The following FGF10 variants were observed in gnomAD, a reference collection of about 807,000 sequenced individuals.
FGF10 encodes the protein FGF-10.
Under a neutral mutation model 19.8 loss-of-function variants are expected in FGF10, and 2 were observed. That is an observed-to-expected ratio of 0.10 (90% confidence interval 0.04 to 0.32). The LOEUF (loss-of-function observed/expected upper bound fraction) is 0.32, where lower values mean the gene tolerates loss of function less well. Among genes scored for constraint, FGF10 ranks in the 10% least tolerant of loss-of-function variants. FGF10 has a pLI of 1.00. For synonymous variants in FGF10, 112 were observed against 94.0 expected, an observed-to-expected ratio of 1.19 and a Z score of -1.10; for missense variants, 191 against 246.3, an observed-to-expected ratio of 0.78 and a Z score of 1.50.
At chr5:44,308,973 G>A (rs573382947) in intron 2 of FGF10, among the ~76,000 whole-genome samples, 17 of 152,220 alleles carry the variant, frequency 1.1e-4, no homozygotes, top group Non-Finnish European at 2.4e-4. Flanking sequence ...GCATACTCAA[G>A]TTTAAGAGCT....
In FGF10 at chr5:44,343,154, A is replaced by T. The variant is rs184275281; in HGVS notation, c.326-32624T>A. Among the ~76,000 whole-genome samples, 633 of 152,130 alleles carry T rather than the reference A, an allele frequency of 4.2e-3. 4 individuals carry two copies. Among genetic ancestry groups the T allele is most frequent in the African/African-American group, 0.014 (602 of 41,524 alleles). The stretch of plus-strand genomic sequence containing the variant: ...TTCATTTAAAAGCTCTACTTAAAAA[A>T]TTTTTTTGAATTTAAATTTCCACTT... On this transcript the variant is annotated intron_variant, in intron 1 of 2. Coordinates refer to ENST00000264664, the MANE Select transcript of FGF10 (RefSeq NM_004465.2).
rs56194673 is a variant in FGF10, at chr5:44,302,282, GCTTCCTTCCTTC to G, written c.*2701_*2712del. 0.18 allele frequency among the ~76,000 whole-genome samples: 21,565 copies of G among 122,106 alleles called. 1,976 individuals carry two copies. Among genetic ancestry groups the G allele is most frequent in the Admixed American group, 0.3 (3,381 of 11,438 alleles). The allele number at this position is 122,106 out of a possible 152,430, so 80.1% of individuals were successfully genotyped here. On this transcript the variant is annotated 3_prime_UTR_variant, in exon 3 of 3. Transcript: ENST00000264664. The stretch of plus-strand genomic sequence containing the variant: ...TCTTTCCTTCCTTCCTTCTTTCCTT[GCTTCCTTCCTTC>G]CTTCCTTCCTTCCTTCCTTCCTTCC...
intron 1 of FGF10, 62 bp downstream of exon 1, chr5:44,388,296 T>TC (rs1174569413): frequency 4.3e-5 from 63 of 1,477,244 alleles, no homozygotes; most frequent in Admixed American, 3.2e-4. Context: ...AACAGATTTT[T>TC]CCCCCCCGTG....
intron 1 of FGF10, among the ~76,000 whole-genome samples, chr5:44,313,458 G>C (rs1324868779): frequency 6.6e-6 from 1 of 151,834 alleles, no homozygotes; most frequent in Non-Finnish European, 1.5e-5. Context: ...TGTATATTTT[G>C]AATCAAAACT....
chr5:44,371,250 T>C (rs1371719641), intron 1 of FGF10, among the ~76,000 whole-genome samples: 1 of 152,086 alleles, frequency 6.6e-6, no homozygotes, highest in Non-Finnish European at 1.5e-5. Context: ...GCCCCTTTGA[T>C]GTGTGATGTT....
chr5:44,349,461 T>TCAGA (rs1741182894), intron 1 of FGF10, among the ~76,000 whole-genome samples: 1 of 31,584 alleles, frequency 3.2e-5, no homozygotes, highest in African/African-American at 1.1e-4. Context: ...TATATATATA[T>TCAGA]ATATATATCA....
Position 44,375,468 on chromosome 5 carries a change from G to A in FGF10, c.325+12890C>T, listed in dbSNP as rs556526665. On this transcript the variant is annotated intron_variant, in intron 1 of 2. Transcript: ENST00000264664. ...GCAAGGCTGAACAGGAAGGGACAAG[G>A]CAGGTTCTAGAACTGAAATCAACAT... 3.3e-5 allele frequency among the ~76,000 whole-genome samples: 5 copies of A among 152,268 alleles called. No homozygotes were observed. In the South Asian group the frequency reaches 8.3e-4, roughly 25 times the overall value.
At chr5:44,334,566 T>C (rs1295942585) in intron 1 of FGF10, among the ~76,000 whole-genome samples, 1 of 152,132 alleles carries the variant, frequency 6.6e-6, no homozygotes, top group Non-Finnish European at 1.5e-5. Flanking sequence ...GAAATGTCTT[T>C]AGAGGTCATA....
intron 1 of FGF10, among the ~76,000 whole-genome samples, chr5:44,316,869 T>C (rs961733401): frequency 5.3e-5 from 8 of 152,180 alleles, no homozygotes; most frequent in Admixed American, 3.9e-4. Context: ...TGTGGAAATG[T>C]TGGTGGAAAC....
chr5:44,311,436 G>T (rs1014095035), intron 1 of FGF10, among the ~76,000 whole-genome samples: 1 of 152,044 alleles, frequency 6.6e-6, no homozygotes, highest in African/African-American at 2.4e-5. Flanking sequence ...GTAGCATCGT[G>T]ATTAGCATGT....
chr5:44,352,681 G>T (rs1741261185), intron 1 of FGF10, among the ~76,000 whole-genome samples: 1 of 151,480 alleles, frequency 6.6e-6, no homozygotes, highest in South Asian at 2.1e-4. Flanking sequence ...CATTTTCCAG[G>T]TACATTTGAT....
Position 44,318,245 on chromosome 5 carries a change from T to C in FGF10, c.326-7715A>G, listed in dbSNP as rs922792291. Among the ~76,000 whole-genome samples, 13 of 152,196 alleles carry C rather than the reference T, an allele frequency of 8.5e-5. 1 individual carries two copies. The highest frequency in any genetic ancestry group is 1.9e-4 in the Non-Finnish European group (13 of 68,028). On this transcript the variant is annotated intron_variant, in intron 1 of 2. Coordinates refer to ENST00000264664, the MANE Select transcript of FGF10 (RefSeq NM_004465.2). ...CTGAACGATTACGTTAGAAAAGTCC[T>C]GCACAATTCATTTGAATGGTAACAA...
At chr5:44,375,919 G>A (rs1429076291) in intron 1 of FGF10, among the ~76,000 whole-genome samples, 1 of 151,840 alleles carries the variant, frequency 6.6e-6, no homozygotes, top group Non-Finnish European at 1.5e-5. Flanking sequence ...ACATAGTATG[G>A]GTATAACAAC....
At chr5:44,353,344 T>C (rs1223886712) in intron 1 of FGF10, among the ~76,000 whole-genome samples, 1 of 151,620 alleles carries the variant, frequency 6.6e-6, no homozygotes, top group Admixed American at 6.6e-5. Context: ...ATATGGTTTG[T>C]TCTGCGTTTT....
chr5:44,344,252 C>A (rs1259093049), intron 1 of FGF10, among the ~76,000 whole-genome samples: 1 of 151,986 alleles, frequency 6.6e-6, no homozygotes, highest in African/African-American at 2.4e-5. Context: ...TACTTTAATG[C>A]ATCCCATTGC....
chr5:44,310,350 G>T lies in FGF10; in HGVS notation c.429+77C>A, dbSNP rs372498674. ...CAATAGAAGGATAACAAAGCTATTC[G>T]GTGTCTGGAGGAAACTTTCCAAAAC... On this transcript the variant is annotated intron_variant, in intron 2 of 2. Transcript: ENST00000264664. The T allele has an allele frequency of 1.9e-5, 17 of 914,268 alleles. 1 individual carries two copies. Among genetic ancestry groups the T allele is most frequent in the East Asian group, 1.0e-4 (4 of 38,840 alleles). The allele number at this position is 914,268 out of a possible 1,614,324, so 56.6% of individuals were successfully genotyped here.
At chr5:44,371,823 A>T (rs1314290548) in intron 1 of FGF10, among the ~76,000 whole-genome samples, 4 of 152,172 alleles carry the variant, frequency 2.6e-5, no homozygotes, top group Admixed American at 1.3e-4. Context: ...CTTTTCATAG[A>T]TTATTTCATT....
rs1158466327 is a variant in FGF10 at position 44,305,044 on chromosome 5, C to T, written c.578G>A (p.Arg193Gln). 7 of 1,613,934 alleles carry T rather than the reference C, an allele frequency of 4.3e-6. No individual in the cohort carries two copies. Among genetic ancestry groups the T allele is most frequent in the East Asian group, 2.2e-5 (1 of 44,846 alleles). The change falls in exon 3 of 3, where the codon CGA becomes CAA. Residue 193 changes from arginine to glutamine, a missense_variant. By Grantham distance (43) the Arg-to-Gln change is conservative (BLOSUM62 1). This residue lies in a region of FGF10 where 99 missense variants were observed against 161.7 expected (regional missense o/e 0.61). Coordinates refer to ENST00000264664, the MANE Select transcript of FGF10 (RefSeq NM_004465.2). ...AAAGTGAGCAGAGGTGTTTTTCCTT[C>T]GTGTTTTCTGTCCTCTCCTTGGAGC... ...KGAPRRGQKT[R>Q]RKNTSAHFLP...
intron 2 of FGF10, among the ~76,000 whole-genome samples, chr5:44,308,466 T>A (rs1740134011): frequency 6.6e-6 from 1 of 152,160 alleles, no homozygotes; most frequent in African/African-American, 2.4e-5. Context: ...TGTGTTGTTA[T>A]CTCTTCAAAG....
Sources: allele counts gnomAD v4.1 joint callset (sites outside exome capture counted in the v4.1 genomes callset), GRCh38; gene constraint gnomAD v4.1.1; regional missense constraint gnomAD v4.1.1; transcripts MANE v1.5; gene names NCBI Gene and HGNC (gene_info 2026-07-23, HGNC 2026-07-21).